CCDC77: variants seen among roughly 807,000 people sequenced by gnomAD.
CCDC77 encodes the protein coiled-coil domain containing 77, also known as coiled-coil domain-containing protein 77.
CCDC77 carries 56 observed loss-of-function variants against 66.8 expected under a neutral mutation model. The ratio of observed to expected loss-of-function variants is 0.84; its 90% CI spans 0.68 to 1.05. The LOEUF is 1.05. Ranked by LOEUF, CCDC77 falls within the 50% of genes least tolerant of loss-of-function variation. CCDC77 has a pLI of 0.00. For missense variants in CCDC77, 570 were observed against 576.8 expected (o/e 0.99, Z 0.12); for synonymous variants, 196 against 195.2 (o/e 1.00, Z -0.03).
intron 5 of CCDC77, chr12:418,923 T>C (rs1332222938): frequency 3.2e-6 from 1 of 316,496 alleles, no homozygotes; most frequent in African/African-American, 2.1e-5. Flanking sequence ...GGTCTCGAAC[T>C]CTTGGCCTCA....
intron 9 of CCDC77, among the ~76,000 whole-genome samples, chr12:437,560 C>T (rs1156667068): frequency 6.6e-6 from 1 of 150,444 alleles, no homozygotes; most frequent in Non-Finnish European, 1.5e-5. Context: ...AAAAAGTAGG[C>T]CAGGTGCAGT....
intron 9 of CCDC77, among the ~76,000 whole-genome samples, chr12:434,855 T>C (rs934801093): frequency 3.3e-5 from 5 of 152,232 alleles, no homozygotes; most frequent in African/African-American, 1.2e-4. Context: ...ACCTATGCCA[T>C]AAGGACATCC....
chr12:422,891 G>A (rs1945431931), intron 5 of CCDC77, among the ~76,000 whole-genome samples: 1 of 152,134 alleles, frequency 6.6e-6, no homozygotes, highest in African/African-American at 2.4e-5. Context: ...TGGGATTACA[G>A]GTGTGTGCTA....
At chr12:415,481 G>A (rs889671673) in intron 4 of CCDC77, among the ~76,000 whole-genome samples, 5 of 146,518 alleles carry the variant, frequency 3.4e-5, no homozygotes, top group African/African-American at 1.0e-4. Context: ...ATAATATGTT[G>A]ATATTATTAA....
At position 441,758 on chromosome 12, in the gene CCDC77, T is replaced by A. The variant is rs55916201; in HGVS notation, c.1321-16T>A. On this transcript the variant is annotated splice_polypyrimidine_tract_variant and intron_variant, in intron 12 of 12. Coordinates refer to ENST00000239830, the MANE Select transcript of CCDC77 (RefSeq NM_032358.4). The stretch of plus-strand genomic sequence containing the variant: ...CCATCATCATTTCTTTTTTTTTTTT[T>A]TTTTCAAACCCCTAGGCAACAGTTA... The A allele has an allele frequency of 6.3e-7, 1 of 1,582,904 alleles. No homozygotes were observed. Among genetic ancestry groups the A allele is most frequent in the South Asian group, 1.2e-5 (1 of 85,302 alleles).
Position 440,712 on chromosome 12 carries a change from G to A in CCDC77, c.1137G>A (p.Glu379=), listed in dbSNP as rs141207576. The change falls in exon 11 of 13, where the codon GAG becomes GAA. Residue 379 remains glutamate, a synonymous_variant. Coordinates refer to ENST00000239830, the MANE Select transcript of CCDC77 (RefSeq NM_032358.4). ...AAGAAGAACTTGCCCGAATTCGTGA[G>A]GAAGAGGGAATGAGGAGAGAGATCT... The part of the protein sequence containing the change: ...SLEEELARIR[E]EEGMRREIFK... 1.6e-4 allele frequency: 257 copies of A among 1,614,142 alleles called. No individual in the cohort carries two copies. In the African/African-American group the frequency reaches 3.2e-3, roughly 20 times the overall value.
upstream of CCDC77, among the ~76,000 whole-genome samples, chr12:398,579 A>G (rs1944858494): frequency 6.6e-6 from 1 of 151,162 alleles, no homozygotes; most frequent in Non-Finnish European, 1.5e-5. Context: ...CTCCACTTCT[A>G]ATTCTAGTTC....
intron 7 of CCDC77, among the ~76,000 whole-genome samples, chr12:431,224 T>TC (rs980454600): frequency 1.3e-5 from 2 of 149,662 alleles, no homozygotes; most frequent in Non-Finnish European, 3.0e-5. Context: ...TTTTTTTTTT[T>TC]TTTTTTCTTT....
intron 9 of CCDC77, among the ~76,000 whole-genome samples, chr12:433,770 A>T (rs1353326446): frequency 6.6e-6 from 1 of 152,240 alleles, no homozygotes; most frequent in Non-Finnish European, 1.5e-5. Flanking sequence ...ACATATCTAA[A>T]AAAAACTGCA....
In CCDC77 at chr12:428,838, C is replaced by G. The variant is rs1408407966; in HGVS notation, c.483C>G (p.Thr161=). ...TGGGAACAGATGCTGGAGAAGTGAC[C>G]TATTTTTGTAAGGAGCCTCCTCACA... The part of the protein sequence containing the change: ...ALVGTDAGEV[T]YFCKEPPHKV... The change falls in exon 6 of 13, where the codon ACC becomes ACG. Residue 161 remains threonine, a synonymous_variant. Coordinates refer to ENST00000239830, the MANE Select transcript of CCDC77 (RefSeq NM_032358.4). The G allele has an allele frequency of 6.2e-7, 1 of 1,612,204 alleles. No homozygotes were observed. Among genetic ancestry groups the G allele is most frequent in the South Asian group, 1.1e-5 (1 of 90,828 alleles).
intron 1 of CCDC77, among the ~76,000 whole-genome samples, chr12:391,139 ATAAT>A (rs1944748259): frequency 6.6e-6 from 1 of 152,210 alleles, no homozygotes; most frequent in African/African-American, 2.4e-5. Flanking sequence ...GTGATTCATA[ATAAT>A]TCCATACAAT....
chr12:416,999 C>G (rs566864077), intron 4 of CCDC77, among the ~76,000 whole-genome samples: 30 of 152,060 alleles, frequency 2.0e-4, no homozygotes, highest in African/African-American at 6.7e-4. Flanking sequence ...ATTAGCTAGG[C>G]GTGGTGGCAC....
chr12:418,181 T>G (rs1463203606), intron 4 of CCDC77, among the ~76,000 whole-genome samples: 2 of 152,104 alleles, frequency 1.3e-5, no homozygotes, highest in African/African-American at 4.8e-5. Context: ...TAGCCGGGCA[T>G]GGTGGCATGC....
In CCDC77 at chr12:411,973, G is replaced by A; in HGVS notation, c.265G>A (p.Gly89Arg). The A allele has an allele frequency of 6.2e-7, 1 of 1,611,598 alleles. No homozygotes were observed. The highest frequency in any genetic ancestry group is 8.5e-7 in the Non-Finnish European group (1 of 1,178,374). ...GGAACTCTACAAAGAAGCTTGTGAAGGACAGGTAAAGAAACGATGCTGCTG... is the reference window on the plus strand; with the variant it reads ...GGAACTCTACAAAGAAGCTTGTGAAAGACAGGTAAAGAAACGATGCTGCTG... ...KLELYKEACEGQHKLECDLQQ... is the reference protein window; with the variant it reads ...KLELYKEACERQHKLECDLQQ... The change falls in exon 4 of 13, where the codon GGA becomes AGA. Residue 89 changes from glycine (G) to arginine (R), a missense_variant. By Grantham distance (125) the Gly-to-Arg change is moderately radical. Coordinates refer to ENST00000239830, the MANE Select transcript of CCDC77 (RefSeq NM_032358.4).
Position 409,376 on chromosome 12 carries a change from AAGAC to A in CCDC77, c.-5_-2del. On this transcript the variant is annotated 5_prime_UTR_variant, in exon 3 of 13. Transcript: ENST00000239830. ...TTTTGTGTATTTGATAGGTGTGAAAAAGACAGCATGAACTTTACCCCAACACACA... is the reference window on the plus strand; with the variant it reads ...TTTTGTGTATTTGATAGGTGTGAAAAAGCATGAACTTTACCCCAACACACA... 1 of 1,612,588 alleles carries A rather than the reference AAGAC, an allele frequency of 6.2e-7. No homozygotes were observed. Among genetic ancestry groups the A allele is most frequent in the South Asian group, 1.1e-5 (1 of 91,040 alleles).
intron 9 of CCDC77, among the ~76,000 whole-genome samples, chr12:434,595 A>C (rs1056226893): frequency 3.3e-5 from 5 of 151,642 alleles, no homozygotes; most frequent in African/African-American, 7.3e-5. Context: ...CTGGTGGTCC[A>C]CCCGCCTCAG....
intron 4 of CCDC77, among the ~76,000 whole-genome samples, chr12:415,817 T>C (rs1285595124): frequency 6.6e-6 from 1 of 151,344 alleles, no homozygotes; most frequent in Non-Finnish European, 1.5e-5. Flanking sequence ...TTTTTTATTT[T>C]ATTTTGAGAT....
At chr12:391,704 C>T (rs1399264489) in intron 1 of CCDC77, among the ~76,000 whole-genome samples, 1 of 152,154 alleles carries the variant, frequency 6.6e-6, no homozygotes, top group East Asian at 1.9e-4. Context: ...CTGTTATTTT[C>T]TTCAGATTAT....
chr12:410,634 C>CTCCTGCGTTCA (rs1399382137), intron 3 of CCDC77, among the ~76,000 whole-genome samples: 1 of 149,076 alleles, frequency 6.7e-6, no homozygotes, highest in Non-Finnish European at 1.5e-5. Context: ...TTGAACCTGC[C>CTCCTGCGTTCA]TCCTGCGTTC....
Sources: allele counts gnomAD v4.1 joint callset (sites outside exome capture counted in the v4.1 genomes callset), GRCh38; gene constraint gnomAD v4.1.1; transcripts MANE v1.5; gene names NCBI Gene and HGNC (gene_info 2026-07-23, HGNC 2026-07-21).